CSMD3: variants seen among roughly 807,000 people sequenced by gnomAD.
The protein encoded by CSMD3 is CUB and sushi domain-containing protein 3.
CSMD3 carries 177 observed loss-of-function variants against 435.2 expected under a neutral mutation model. That is an observed-to-expected ratio of 0.41 (90% CI 0.36 to 0.46). The LOEUF (loss-of-function observed/expected upper bound fraction) is 0.46, where lower values mean the gene tolerates loss of function less well. Ranked by LOEUF, CSMD3 falls within the 20% of genes least tolerant of loss-of-function variation. The pLI is 0.34. For synonymous variants in CSMD3, 1,656 were observed against 1,520.5 expected (o/e 1.09, Z -2.07); for missense variants, 4,265 against 4,504.6 (o/e 0.95, Z 1.52).
At chr8:113,004,080 G>T (rs956422636) in intron 6 of CSMD3, among the ~76,000 whole-genome samples, 5 of 152,006 alleles carry the variant, frequency 3.3e-5, no homozygotes, top group African/African-American at 1.2e-4. Context: ...TGATTCAAGA[G>T]TTCCTCAGCC....
At chr8:113,166,027 C>T (rs922024948) in intron 4 of CSMD3, among the ~76,000 whole-genome samples, 2 of 152,004 alleles carry the variant, frequency 1.3e-5, no homozygotes. Flanking sequence ...TATAAGAACA[C>T]CAGTGGATCT....
chr8:112,632,357 G>A (rs1051863313), intron 22 of CSMD3, among the ~76,000 whole-genome samples: 1 of 151,896 alleles, frequency 6.6e-6, no homozygotes. Context: ...TCATGATTAA[G>A]GCAAGATGTT....
In CSMD3 at chr8:112,855,888, G is replaced by C. The variant is rs1255132879; in HGVS notation, c.1755+3257C>G. ...TGGAATTTCCTATTCTAATTCTCCAGGGTTTTATTTACACTCAAGCAATGT... is the reference window on the plus strand; with the variant it reads ...TGGAATTTCCTATTCTAATTCTCCACGGTTTTATTTACACTCAAGCAATGT... On this transcript the variant is annotated intron_variant, in intron 11 of 70. Coordinates refer to ENST00000297405, the MANE Select transcript of CSMD3 (RefSeq NM_198123.2). Among the ~76,000 whole-genome samples the C allele has an allele frequency of 2.7e-5, 4 of 147,764 alleles. No homozygotes were observed. The Admixed American group carries it at 2.7e-4, about 10-fold the overall frequency.
At chr8:112,533,657 C>A (rs1825758263) in intron 27 of CSMD3, among the ~76,000 whole-genome samples, 1 of 151,846 alleles carries the variant, frequency 6.6e-6, no homozygotes. Flanking sequence ...AGAGAAAGAA[C>A]AGTACAATAA....
intron 9 of CSMD3, among the ~76,000 whole-genome samples, chr8:112,944,146 TTCTC>T (rs1205396570): frequency 6.6e-6 from 1 of 151,598 alleles, no homozygotes; most frequent in African/African-American, 2.4e-5. Context: ...GTCTTAAACT[TTCTC>T]TCCCATCCAT....
chr8:112,738,488 T>C (rs2077233937), intron 13 of CSMD3, among the ~76,000 whole-genome samples: 1 of 151,794 alleles, frequency 6.6e-6, no homozygotes, highest in Non-Finnish European at 1.5e-5. Flanking sequence ...GCAAATGCAA[T>C]TTTATAAATC....
intron 32 of CSMD3, among the ~76,000 whole-genome samples, chr8:112,443,455 C>CA (rs1815263637): frequency 6.6e-6 from 1 of 151,964 alleles, no homozygotes; most frequent in South Asian, 2.1e-4. Context: ...TATATTCATA[C>CA]AAAAAATCTA....
chr8:112,666,120 T>C (rs1286030887), intron 17 of CSMD3, among the ~76,000 whole-genome samples, 157 bp downstream of exon 17: 1 of 152,138 alleles, frequency 6.6e-6, no homozygotes, highest in Non-Finnish European at 1.5e-5. Flanking sequence ...GGAAACACGC[T>C]GAAAGGTTAA....
chr8:112,791,615 T>G (rs138125882), intron 13 of CSMD3, among the ~76,000 whole-genome samples: 1 of 152,118 alleles, frequency 6.6e-6, no homozygotes, highest in Non-Finnish European at 1.5e-5. Context: ...ATCCCCAATT[T>G]TTGTTATATA....
intron 13 of CSMD3, among the ~76,000 whole-genome samples, chr8:112,703,932 T>C (rs373581387): frequency 1.8e-4 from 27 of 152,186 alleles, no homozygotes; most frequent in African/African-American, 6.5e-4. Context: ...TGTTTTACAA[T>C]CATGATGTAA....
At chr8:112,462,790 C>T (rs569695756) in intron 32 of CSMD3, among the ~76,000 whole-genome samples, 1 of 152,262 alleles carries the variant, frequency 6.6e-6, no homozygotes, top group African/African-American at 2.4e-5. Context: ...TTCCCCTCTG[C>T]CTCATATCTG....
intron 63 of CSMD3, among the ~76,000 whole-genome samples, chr8:112,249,305 G>A (rs1815048761): frequency 6.6e-6 from 1 of 151,916 alleles, no homozygotes; most frequent in African/African-American, 2.4e-5. Flanking sequence ...CTTTTCCATA[G>A]GCTTTGGTTC....
chr8:112,296,485 G>A (rs1475724172), intron 53 of CSMD3, among the ~76,000 whole-genome samples: 3 of 151,826 alleles, frequency 2.0e-5, no homozygotes, highest in Non-Finnish European at 4.4e-5. Context: ...GGAAGGTGGA[G>A]CTTGCAGTGA....
chr8:112,620,322 C>T (rs1007249949), intron 22 of CSMD3, among the ~76,000 whole-genome samples: 8 of 151,950 alleles, frequency 5.3e-5, no homozygotes, highest in South Asian at 2.1e-4. Flanking sequence ...AATGTAGTAA[C>T]GGTACTACAA....
chr8:113,041,001 C>T (rs1488868341), intron 5 of CSMD3, among the ~76,000 whole-genome samples: 1 of 151,742 alleles, frequency 6.6e-6, no homozygotes, highest in Non-Finnish European at 1.5e-5. Context: ...GTCAGGATTT[C>T]GAGACCAGTC....
At chr8:113,206,236 C>T (rs1027679631) in intron 3 of CSMD3, among the ~76,000 whole-genome samples, 4 of 152,046 alleles carry the variant, frequency 2.6e-5, no homozygotes, top group African/African-American at 9.7e-5. Flanking sequence ...GCAAATTTCA[C>T]AATGATACAC....
chr8:112,618,375 A>G (rs1372767621), intron 22 of CSMD3, among the ~76,000 whole-genome samples: 1 of 151,412 alleles, frequency 6.6e-6, no homozygotes, highest in African/African-American at 2.4e-5. Flanking sequence ...CAGAAGGCTT[A>G]TATTTTAAGG....
At chr8:113,284,483 AAAGT>A (rs1441933870) in intron 2 of CSMD3, among the ~76,000 whole-genome samples, 1 of 152,202 alleles carries the variant, frequency 6.6e-6, no homozygotes, top group East Asian at 1.9e-4. Context: ...TTGTTCAGAG[AAAGT>A]AAGTTTTCCC....
intron 5 of CSMD3, among the ~76,000 whole-genome samples, chr8:113,089,928 T>C (rs1309721542): frequency 6.6e-6 from 1 of 152,156 alleles, no homozygotes; most frequent in Non-Finnish European, 1.5e-5. Flanking sequence ...ATGATGACTG[T>C]TGGTTGACTA....
Sources: allele counts gnomAD v4.1 joint callset (sites outside exome capture counted in the v4.1 genomes callset), GRCh38; gene constraint gnomAD v4.1.1; transcripts MANE v1.5; gene names NCBI Gene and HGNC (gene_info 2026-07-23, HGNC 2026-07-21).